SYNPR: variants seen among roughly 807,000 people sequenced by gnomAD.
The protein encoded by SYNPR is synaptoporin.
A neutral mutation model predicts 32.9 loss-of-function variants in SYNPR; 23 were observed. That is an observed-to-expected ratio of 0.70 (90% CI 0.50 to 0.99). The LOEUF is 0.99. Ranked by LOEUF, SYNPR falls within the 50% of genes least tolerant of loss-of-function variation. The pLI is 0.00. For missense variants in SYNPR, 318 were observed against 349.3 expected, an observed-to-expected ratio of 0.91 and a Z score of 0.71; for synonymous variants, 146 against 135.9, an observed-to-expected ratio of 1.07 and a Z score of -0.52.
Position 63,384,720 on chromosome 3 carries a change from G to A in SYNPR, c.85-96112G>A, listed in dbSNP as rs183655189. Reference sequence around the variant, plus strand: ...TTATGGAGCTCGTACTATGTGTGTGGGACTGTGTTAAATGCTGTACATTGA... The same window carrying A: ...TTATGGAGCTCGTACTATGTGTGTGAGACTGTGTTAAATGCTGTACATTGA... On this transcript the variant is annotated intron_variant, in intron 2 of 5. Coordinates refer to ENST00000478300, the MANE Select transcript of SYNPR (RefSeq NM_001130003.2). Among the ~76,000 whole-genome samples the A allele has an allele frequency of 4.3e-3, 653 of 152,186 alleles. 4 individuals are homozygous for A. The highest frequency in any genetic ancestry group is 6.9e-3 in the Non-Finnish European group (467 of 67,986).
chr3:63,430,359 A>AAT (rs1434864266), intron 2 of SYNPR, among the ~76,000 whole-genome samples: 2 of 117,298 alleles, frequency 1.7e-5, no homozygotes, highest in African/African-American at 6.6e-5. Context: ...CTACACTGAG[A>AAT]ATACACACAC....
chr3:63,261,666 T>C (rs1355729470), intron 2 of SYNPR, among the ~76,000 whole-genome samples: 4 of 148,496 alleles, frequency 2.7e-5, no homozygotes, highest in Non-Finnish European at 5.9e-5. Flanking sequence ...TGTATACATA[T>C]GTAACTAACC....
chr3:63,396,079 C>G (rs1338992869), intron 2 of SYNPR, among the ~76,000 whole-genome samples: 1 of 152,136 alleles, frequency 6.6e-6, no homozygotes, highest in Non-Finnish European at 1.5e-5. Context: ...AACTCTTGAC[C>G]AGACAGAAAA....
chr3:63,582,913 G>A (rs1169054709), intron 4 of SYNPR, among the ~76,000 whole-genome samples: 4 of 152,170 alleles, frequency 2.6e-5, no homozygotes, highest in Middle Eastern at 6.8e-3. Flanking sequence ...TCATGTAAGT[G>A]TCACGCGTGT....
rs370244005 is a variant in SYNPR, at chr3:63,455,756, G to GGTGT, written c.85-25048_85-25045dup. Among the ~76,000 whole-genome samples, 382 of 144,364 alleles carry GGTGT rather than the reference G, an allele frequency of 2.6e-3. 2 individuals are homozygous for GGTGT. Among genetic ancestry groups the GGTGT allele is most frequent in the South Asian group, 7.3e-3 (33 of 4,540 alleles). The allele number at this position is 144,364 out of a possible 152,430, so 94.7% of individuals were successfully genotyped here. ...TGCTTCTGTACATAGTCATGTTTGG[G>GGTGT]GTGTGTGTGTGTGTGTGTGTGTGTG... On this transcript the variant is annotated intron_variant, in intron 2 of 5. Coordinates refer to ENST00000478300, the MANE Select transcript of SYNPR (RefSeq NM_001130003.2).
At chr3:63,289,773 C>T (rs1303561262) in intron 2 of SYNPR, among the ~76,000 whole-genome samples, 1 of 152,106 alleles carries the variant, frequency 6.6e-6, no homozygotes, top group Non-Finnish European at 1.5e-5. Flanking sequence ...GAGACAAGTG[C>T]TTTATTAAGT....
intron 2 of SYNPR, among the ~76,000 whole-genome samples, chr3:63,316,076 C>T (rs2087040419): frequency 6.6e-6 from 1 of 151,928 alleles, no homozygotes; most frequent in African/African-American, 2.4e-5. Context: ...TCCCTGCATC[C>T]CTGGTATGAA....
At chr3:63,387,955 G>T (rs2088076819) in intron 2 of SYNPR, among the ~76,000 whole-genome samples, 1 of 152,140 alleles carries the variant, frequency 6.6e-6, no homozygotes, top group African/African-American at 2.4e-5. Flanking sequence ...AACACCTGGG[G>T]AGGGCAAAGG....
At chr3:63,524,727 T>G (rs1453617659) in intron 3 of SYNPR, among the ~76,000 whole-genome samples, 1 of 152,130 alleles carries the variant, frequency 6.6e-6, no homozygotes, top group Non-Finnish European at 1.5e-5. Flanking sequence ...AAGTTTCTCC[T>G]TAAGAAAATC....
At chr3:63,310,441 A>G (rs886866724) in intron 2 of SYNPR, among the ~76,000 whole-genome samples, 6 of 151,990 alleles carry the variant, frequency 3.9e-5, no homozygotes, top group African/African-American at 1.4e-4. Context: ...TTATTTGGCA[A>G]TTTTGATCTT....
chr3:63,579,848 T>A (rs993787730), intron 4 of SYNPR, among the ~76,000 whole-genome samples: 3 of 151,644 alleles, frequency 2.0e-5, no homozygotes, highest in Non-Finnish European at 4.4e-5. Context: ...AATATGCTGT[T>A]ATCTGTCATT....
At chr3:63,290,141 A>AAAAAATC (rs11280661) in intron 2 of SYNPR, among the ~76,000 whole-genome samples, 23,359 of 145,108 alleles carry the variant, frequency 0.16, 2,323 homozygotes, top group African/African-American at 0.23. Context: ...AAAAACAAAA[A>AAAAAATC]AACTCCTTTT....
rs13317539 is a variant in SYNPR, at chr3:63,278,579, G to A, written c.18+28G>A. ...GAGACAGAACTGGGCAGGGCGGCTG[G>A]CTGGGAGCAGGGGGCGGGGGATGCC... On this transcript the variant is annotated intron_variant, in intron 1 of 5. Transcript: ENST00000478300. 4.5e-6 allele frequency: 7 copies of A among 1,550,840 alleles called. No individual in the cohort carries two copies. The African/African-American group carries it at 8.2e-5, about 18-fold the overall frequency.
the SYNPR span, among the ~76,000 whole-genome samples, chr3:63,218,203 G>T: frequency 6.6e-6 from 1 of 152,160 alleles, no homozygotes; most frequent in Non-Finnish European, 1.5e-5. Flanking sequence ...TTACAGGAGG[G>T]TGGAGCAAAT....
chr3:63,522,336 A>C (rs1032159223), intron 3 of SYNPR, among the ~76,000 whole-genome samples: 1 of 152,212 alleles, frequency 6.6e-6, no homozygotes, highest in African/African-American at 2.4e-5. Context: ...TGAGAAAAAG[A>C]ACAACAATAA....
chr3:63,550,882 C>A (rs914025835), intron 3 of SYNPR, among the ~76,000 whole-genome samples: 5 of 152,254 alleles, frequency 3.3e-5, no homozygotes, highest in African/African-American at 9.6e-5. Flanking sequence ...GGGCCCCCAG[C>A]TACTTTTCCA....
rs1292398008 is a variant in SYNPR, at chr3:63,595,715, TTTTATATATA to T, written c.409-13408_409-13399del. ...ATGGTGGTGGGACTTCTGAATCTTA[TTTTATATATA>T]TATATATATATATATATATATATAT... On this transcript the variant is annotated intron_variant, in intron 4 of 5. Coordinates refer to ENST00000478300, the MANE Select transcript of SYNPR (RefSeq NM_001130003.2). Among the ~76,000 whole-genome samples the T allele has an allele frequency of 1.1e-3, 49 of 45,766 alleles. 3 individuals are homozygous for T. The highest frequency in any genetic ancestry group is 4.4e-3 in the African/African-American group (47 of 10,708). 30.0% of individuals were successfully genotyped at this position (45,766 alleles called of 152,430 possible).
chr3:63,312,883 T>G (rs2086982644), intron 2 of SYNPR, among the ~76,000 whole-genome samples: 1 of 152,016 alleles, frequency 6.6e-6, no homozygotes, highest in African/African-American at 2.4e-5. Context: ...CTCCCCAGGG[T>G]GAGATGAGTC....
chr3:63,208,568 T>A, the SYNPR span, among the ~76,000 whole-genome samples: 1 of 152,216 alleles, frequency 6.6e-6, no homozygotes, highest in Non-Finnish European at 1.5e-5. Flanking sequence ...TCAATCTAAA[T>A]GTTTTGGAGA....
Sources: allele counts gnomAD v4.1 joint callset (sites outside exome capture counted in the v4.1 genomes callset), GRCh38; gene constraint gnomAD v4.1.1; transcripts MANE v1.5; gene names NCBI Gene and HGNC (gene_info 2026-07-23, HGNC 2026-07-21).